APBB2: variants seen among roughly 807,000 people sequenced by gnomAD.
APBB2 encodes the protein Fe65-like 1.
APBB2 carries 38 observed loss-of-function variants against 82.5 expected under a neutral mutation model. That is an observed-to-expected ratio of 0.46 (90% CI 0.36 to 0.60). The LOEUF is 0.60. APBB2 is among the 20% of genes least tolerant of loss of function. APBB2 has a pLI of 0.00. For missense variants in APBB2, 772 were observed against 972.3 expected (o/e 0.79, Z 2.74); for synonymous variants, 341 against 368.2 (o/e 0.93, Z 0.85).
intron 12 of APBB2, chr4:40,881,130 A>G: frequency 1.0e-6 from 1 of 985,484 alleles, no homozygotes; most frequent in African/African-American, 1.7e-5. Context: ...AGTGTAAGTC[A>G]GCAAAACGGT....
intron 10 of APBB2, among the ~76,000 whole-genome samples, chr4:40,932,039 C>T (rs1413503455): frequency 6.6e-6 from 1 of 152,144 alleles, no homozygotes; most frequent in Non-Finnish European, 1.5e-5. Context: ...GTAAGCAACA[C>T]AGCCGGAAGG....
intron 10 of APBB2, among the ~76,000 whole-genome samples, chr4:40,905,105 G>T (rs911677647): frequency 6.6e-6 from 1 of 152,176 alleles, no homozygotes; most frequent in African/African-American, 2.4e-5. Flanking sequence ...CAAAGAGGAC[G>T]GTCATGATCA....
At chr4:41,128,361 C>T (rs1755011617) in intron 2 of APBB2, among the ~76,000 whole-genome samples, 1 of 152,138 alleles carries the variant, frequency 6.6e-6, no homozygotes, top group Non-Finnish European at 1.5e-5. Context: ...AGTTTGGAGA[C>T]TTCTCAAAGA....
intron 12 of APBB2, among the ~76,000 whole-genome samples, chr4:40,859,609 C>T (rs771573164): frequency 1.1e-4 from 16 of 152,150 alleles, no homozygotes; most frequent in Non-Finnish European, 1.9e-4. Context: ...ATCACAAATG[C>T]GAGTCCCTTC....
Position 41,086,079 on chromosome 4 carries a change from A to G in APBB2, c.-149+14560T>C, listed in dbSNP as rs575041425. ...CAAAAAATTAGATAACCTATATGAAAAGAACAAATTCCTAAACACAAAACT... is the reference window on the plus strand; with the variant it reads ...CAAAAAATTAGATAACCTATATGAAGAGAACAAATTCCTAAACACAAAACT... On this transcript the variant is annotated intron_variant, in intron 3 of 17. Coordinates refer to ENST00000508593, the MANE Select transcript of APBB2 (RefSeq NM_004307.2). 6.6e-5 allele frequency among the ~76,000 whole-genome samples: 10 copies of G among 152,278 alleles called. No homozygotes were observed. In the South Asian group the frequency reaches 2.1e-3, roughly 32 times the overall value.
chr4:41,015,927 T>TA (rs151027102), intron 5 of APBB2, among the ~76,000 whole-genome samples: 8,462 of 151,370 alleles, frequency 0.056, 425 homozygotes, highest in African/African-American at 0.13. Flanking sequence ...ACAATTAAAT[T>TA]AAAAAAAAAC....
chr4:40,949,285 G>A (rs1789399646), intron 6 of APBB2, among the ~76,000 whole-genome samples: 1 of 152,052 alleles, frequency 6.6e-6, no homozygotes, highest in Non-Finnish European at 1.5e-5. Context: ...CGGGGGGAGG[G>A]GAAGAAGATA....
chr4:40,961,583 A>G (rs554831866), intron 6 of APBB2, among the ~76,000 whole-genome samples: 18 of 145,334 alleles, frequency 1.2e-4, no homozygotes, highest in Admixed American at 6.4e-4. Flanking sequence ...AGCGTGGCAC[A>G]TGTATGCATA....
chr4:41,009,751 T>C lies in APBB2; in HGVS notation c.835+3832A>G, dbSNP rs1807794437. On this transcript the variant is annotated intron_variant, in intron 6 of 17. Coordinates refer to ENST00000508593, the MANE Select transcript of APBB2 (RefSeq NM_004307.2). Reference sequence around the variant, plus strand: ...TTTATACATGTACTATGGCATGGCATACTAAGATGTCACAAGATATTTGCT... The same window carrying C: ...TTTATACATGTACTATGGCATGGCACACTAAGATGTCACAAGATATTTGCT... Among the ~76,000 whole-genome samples the C allele has an allele frequency of 2.0e-5, 3 of 152,220 alleles. No homozygotes were observed. The South Asian group carries it at 6.2e-4, about 32-fold the overall frequency.
At chr4:41,070,931 G>A (rs1733655534) in intron 3 of APBB2, among the ~76,000 whole-genome samples, 1 of 152,194 alleles carries the variant, frequency 6.6e-6, no homozygotes, top group Admixed American at 6.5e-5. Context: ...AGTGTTTAGT[G>A]TGCAGCTTTT....
intron 1 of APBB2, among the ~76,000 whole-genome samples, chr4:41,169,672 C>A (rs560164953): frequency 1.3e-5 from 2 of 152,270 alleles, no homozygotes; most frequent in South Asian, 2.1e-4. Context: ...CAGCAGCCTG[C>A]GATATGGTAA....
intron 15 of APBB2, among the ~76,000 whole-genome samples, chr4:40,824,802 A>G (rs1222356578): frequency 1.3e-5 from 2 of 152,066 alleles, no homozygotes; most frequent in Non-Finnish European, 2.9e-5. Flanking sequence ...ACCATAATCA[A>G]TTTTAGAACA....
chr4:41,009,716 C>G (rs779801793), intron 6 of APBB2, among the ~76,000 whole-genome samples: 3 of 152,138 alleles, frequency 2.0e-5, no homozygotes, highest in Non-Finnish European at 4.4e-5. Flanking sequence ...CAACAGACAA[C>G]TATACCCTTT....
chr4:41,056,973 A>G (rs1728052056), intron 4 of APBB2, among the ~76,000 whole-genome samples: 1 of 152,218 alleles, frequency 6.6e-6, no homozygotes, highest in Non-Finnish European at 1.5e-5. Flanking sequence ...AATATGTAAC[A>G]TAAGCTCTTT....
intron 1 of APBB2, among the ~76,000 whole-genome samples, chr4:41,207,502 A>G (rs1387354412): frequency 6.6e-6 from 1 of 152,218 alleles, no homozygotes; most frequent in Non-Finnish European, 1.5e-5. Context: ...GCCTGCATGC[A>G]AAGAATCAAA....
chr4:40,901,996 A>G (rs1260038697), intron 10 of APBB2, among the ~76,000 whole-genome samples: 1 of 152,138 alleles, frequency 6.6e-6, no homozygotes, highest in African/African-American at 2.4e-5. Context: ...GTAAAAATAC[A>G]AAGTACAGTA....
intron 1 of APBB2, among the ~76,000 whole-genome samples, chr4:41,191,979 G>A (rs1774573941): frequency 6.6e-6 from 1 of 152,098 alleles, no homozygotes; most frequent in African/African-American, 2.4e-5. Flanking sequence ...CACCTGGATA[G>A]ACATTTTTCC....
chr4:41,021,121 T>G (rs574179492), intron 5 of APBB2, among the ~76,000 whole-genome samples: 12 of 152,258 alleles, frequency 7.9e-5, no homozygotes, highest in African/African-American at 2.9e-4. Flanking sequence ...ATTGAGGCCG[T>G]CAAGCTACAG....
At chr4:40,893,925 G>A (rs1772870173) in intron 10 of APBB2, among the ~76,000 whole-genome samples, 1 of 152,038 alleles carries the variant, frequency 6.6e-6, no homozygotes. Flanking sequence ...AGTGAACCAA[G>A]TTGGCACCAT....
Sources: gnomAD v4.1 joint callset for allele counts (sites outside exome capture counted in the v4.1 genomes callset) on GRCh38, gnomAD v4.1.1 for gene constraint, MANE v1.5 for transcripts, NCBI Gene and HGNC (gene_info 2026-07-23, HGNC 2026-07-21) for gene names.